WNK3: variants seen among roughly 807,000 people sequenced by gnomAD.
WNK3 encodes serine/threonine-protein kinase WNK3.
WNK3 carries 18 observed loss-of-function variants against 116.7 expected under a neutral mutation model. That is an observed-to-expected ratio of 0.15 (90% CI 0.11 to 0.23). The LOEUF (loss-of-function observed/expected upper bound fraction) is 0.23, where lower values mean the gene tolerates loss of function less well. WNK3 is among the 10% of genes least tolerant of loss of function. The pLI is 1.00. For synonymous variants in WNK3, 404 were observed against 469.4 expected, an observed-to-expected ratio of 0.86 and a Z score of 1.80; for missense variants, 993 against 1,323.8, an observed-to-expected ratio of 0.75 and a Z score of 3.88.
chrX:54,218,435 A>G (rs2067722894), intron 22 of WNK3, among the ~76,000 whole-genome samples: 1 of 110,810 alleles, frequency 9.0e-6, no homozygotes, highest in Admixed American at 9.7e-5. Flanking sequence ...CTAGAGCTTA[A>G]AAATACAGTA....
chrX:54,311,576 G>A (rs2068887740), intron 2 of WNK3, among the ~76,000 whole-genome samples: 1 of 111,697 alleles, frequency 9.0e-6, no homozygotes, highest in Non-Finnish European at 1.9e-5. Flanking sequence ...AAAATGAATT[G>A]AGAAAAAGCA....
At chrX:54,356,075 A>T (rs782667119) in intron 1 of WNK3, among the ~76,000 whole-genome samples, 1 of 111,751 alleles carries the variant, frequency 8.9e-6, no homozygotes, top group Non-Finnish European at 1.9e-5. Context: ...AACTAAATAT[A>T]TATCAGTAAA....
exon 2 of WNK3, chrX:54,333,620 A>G (rs1557174808): frequency 8.3e-7 from 1 of 1,204,775 alleles, no homozygotes; most frequent in Non-Finnish European, 1.1e-6. Flanking sequence ...ATGAAATTCC[A>G]TCAGGTTTCT....
At chrX:54,228,957 T>C (rs782605105) in intron 21 of WNK3, among the ~76,000 whole-genome samples, 1 of 110,964 alleles carries the variant, frequency 9.0e-6, no homozygotes, top group South Asian at 3.8e-4. Flanking sequence ...GCTAGTACAA[T>C]AGTAAGAAGA....
intron 2 of WNK3, among the ~76,000 whole-genome samples, chrX:54,330,368 G>A (rs1169695886): frequency 1.8e-5 from 2 of 110,155 alleles, no homozygotes; most frequent in Non-Finnish European, 3.8e-5. Flanking sequence ...GCAAGACTCC[G>A]TCTAAAACAA....
intron 2 of WNK3, among the ~76,000 whole-genome samples, chrX:54,311,515 C>T (rs988948906): frequency 4.5e-5 from 5 of 111,857 alleles, no homozygotes; most frequent in African/African-American, 1.6e-4. Flanking sequence ...TTCATAAGTA[C>T]ATTATAAACC....
At chrX:54,294,508 T>C in intron 8 of WNK3, 45 bp downstream of exon 8, 4 of 1,003,168 alleles carry the variant, frequency 4.0e-6, no homozygotes, top group Non-Finnish European at 5.3e-6. Flanking sequence ...GATTAGAGAA[T>C]ATAATTGCAC....
At chrX:54,260,595 T>G (rs1603384180) in intron 10 of WNK3, among the ~76,000 whole-genome samples, 1 of 112,428 alleles carries the variant, frequency 8.9e-6, no homozygotes, top group East Asian at 2.8e-4. Context: ...CCTTCATATC[T>G]GATAGGTACA....
rs1283401285 is a variant in WNK3, at chrX:54,234,950, T to G, written c.4629-1930A>C. On this transcript the variant is annotated intron_variant, in intron 20 of 23. Coordinates refer to ENST00000354646, the Ensembl canonical transcript of WNK3. ...AAAGTATCAGTGTACATATACTGTATAGTACTTAATATATAAGTTGACGTA... is the reference window on the plus strand; with the variant it reads ...AAAGTATCAGTGTACATATACTGTAGAGTACTTAATATATAAGTTGACGTA... Among the ~76,000 whole-genome samples, 5 of 112,069 alleles carry G rather than the reference T, an allele frequency of 4.5e-5. 1 individual carries two copies. The highest frequency in any genetic ancestry group is 1.6e-4 in the African/African-American group (5 of 30,946).
chrX:54,303,931 C>T (rs2068794879), intron 5 of WNK3, among the ~76,000 whole-genome samples: 1 of 111,332 alleles, frequency 9.0e-6, no homozygotes, highest in African/African-American at 3.3e-5. Context: ...AAATCTAACA[C>T]GAAATTCTTT....
intron 2 of WNK3, among the ~76,000 whole-genome samples, chrX:54,331,616 A>G: frequency 9.0e-6 from 1 of 111,282 alleles, no homozygotes; most frequent in Non-Finnish European, 1.9e-5. Context: ...GGCCCACCGG[A>G]ATGGGTCTGA....
chrX:54,355,116 T>C (rs2069576381), intron 1 of WNK3, among the ~76,000 whole-genome samples: 1 of 111,509 alleles, frequency 9.0e-6, no homozygotes, highest in African/African-American at 3.3e-5. Context: ...ATTATTTTCT[T>C]TACTTCTGCC....
At chrX:54,337,803 A>G (rs2069262815) in intron 1 of WNK3, among the ~76,000 whole-genome samples, 1 of 110,534 alleles carries the variant, frequency 9.0e-6, no homozygotes, top group Non-Finnish European at 1.9e-5. Context: ...ACAGTAGCTC[A>G]TGCTTATAAT....
chrX:54,239,182 A>G (rs1216879575), intron 17 of WNK3, 83 bp from the exon 18 acceptor site: 8 of 662,890 alleles, frequency 1.2e-5, no homozygotes, highest in Non-Finnish European at 1.7e-5. Flanking sequence ...AGTGGTAATA[A>G]TTTAGGTAAG....
At chrX:54,238,519 T>C (rs1218065042) in intron 18 of WNK3, 47 bp from the exon 19 acceptor site, 31 of 1,157,577 alleles carry the variant, frequency 2.7e-5, no homozygotes, top group Non-Finnish European at 2.8e-5. Context: ...AATTGTTTGT[T>C]AAGACTAAAT....
intron 23 of WNK3, among the ~76,000 whole-genome samples, chrX:54,199,944 C>T (rs1436743741): frequency 8.9e-6 from 1 of 112,657 alleles, no homozygotes; most frequent in African/African-American, 3.2e-5. Context: ...CTCCTCTTTG[C>T]TCTCTTCACT....
chrX:54,209,130 G>A (rs1298785388), intron 22 of WNK3, among the ~76,000 whole-genome samples: 1 of 111,604 alleles, frequency 9.0e-6, no homozygotes, highest in Non-Finnish European at 1.9e-5. Context: ...CCAGCCAAGG[G>A]CCAATCTTGC....
intron 22 of WNK3, among the ~76,000 whole-genome samples, chrX:54,208,810 C>T (rs184137591): frequency 8.0e-5 from 9 of 112,085 alleles, no homozygotes; most frequent in Non-Finnish European, 1.3e-4. Context: ...ATACACATTA[C>T]GGTCAGCAAA....
rs781863669 is a variant in WNK3, at chrX:54,331,792, ATAAACAG to A, written c.537+1338_537+1344del. Among the ~76,000 whole-genome samples, 5 of 112,020 alleles carry A rather than the reference ATAAACAG, an allele frequency of 4.5e-5. No individual in the cohort carries two copies. The East Asian group carries it at 1.4e-3, about 31-fold the overall frequency. ...GCATATGAAGCAAATACTGACTCTT[ATAAACAG>A]TAAAGTTTGGAAACCATGGCATTAA... On this transcript the variant is annotated intron_variant, in intron 2 of 23. Transcript: ENST00000354646.
Sources: allele counts gnomAD v4.1 joint callset (sites outside exome capture counted in the v4.1 genomes callset), GRCh38; gene constraint gnomAD v4.1.1; transcripts MANE v1.5; gene names NCBI Gene and HGNC (gene_info 2026-07-23, HGNC 2026-07-21).